Variants in PCDHGA2 observed in about 807,000 individuals in gnomAD.
PCDHGA2 encodes the protein protocadherin gamma subfamily A, 2, also known as protocadherin gamma-A2.
In PCDHGA2, 40 loss-of-function variants were observed where a neutral mutation model predicts 59.2. The ratio of observed to expected loss-of-function variants is 0.68; its 90% confidence interval spans 0.52 to 0.88. PCDHGA2 has a LOEUF of 0.88. Among genes scored for constraint, PCDHGA2 ranks in the 40% least tolerant of loss-of-function variants. The pLI, the probability that PCDHGA2 is intolerant of heterozygous loss-of-function variation, is 0.00. For synonymous variants in PCDHGA2, 560 were observed against 526.0 expected (o/e 1.06, Z -0.89); for missense variants, 1,226 against 1,204.0 (o/e 1.02, Z -0.27).
chr5:141,408,720 A>T, intron 1 of PCDHGA2: 1 of 1,611,332 alleles, frequency 6.2e-7, no homozygotes, highest in Non-Finnish European at 8.5e-7. Context: ...TATAAGATAA[A>T]CTCTAATCCT....
At chr5:141,500,293 C>T (rs1380080572) in intron 2 of PCDHGA2, among the ~76,000 whole-genome samples, 3 of 151,870 alleles carry the variant, frequency 2.0e-5, no homozygotes, top group Non-Finnish European at 4.4e-5. Flanking sequence ...ACTGCAAGCT[C>T]CGCCTCCCAG....
rs531285035 is a variant in PCDHGA2, at chr5:141,493,409, C to T, written c.2425-1398C>T. Among the ~76,000 whole-genome samples, 4 of 152,286 alleles carry T rather than the reference C, an allele frequency of 2.6e-5. No homozygotes were observed. The East Asian group carries it at 7.7e-4, about 29-fold the overall frequency. On this transcript the variant is annotated intron_variant, in intron 1 of 3. Coordinates refer to ENST00000394576, the MANE Select transcript of PCDHGA2 (RefSeq NM_018915.4). The surrounding 1 kb of genome is among the most constrained non-coding windows in gnomAD (Gnocchi z 4.3). Reference sequence around the variant, plus strand: ...GGACAGGAGAGGGGAGTTGCCTCTGCTGGGATTTTGCTTCTGCTGGGATGG... The same window carrying T: ...GGACAGGAGAGGGGAGTTGCCTCTGTTGGGATTTTGCTTCTGCTGGGATGG...
At chr5:141,350,920 C>T (rs1280314926) in intron 1 of PCDHGA2, 1 of 1,614,042 alleles carries the variant, frequency 6.2e-7, no homozygotes, top group South Asian at 1.1e-5. Context: ...CGCCTCTAAG[C>T]GGCACCACCC....
At chr5:141,405,582 C>T in intron 1 of PCDHGA2, 3 of 589,180 alleles carry the variant, frequency 5.1e-6, no homozygotes, top group African/African-American at 1.9e-5. Context: ...GTAGCTGGGA[C>T]TACAGGCCTC....
rs1248410660 is a variant in PCDHGA2, at chr5:141,394,098, A to G, written c.2424+52703A>G. On this transcript the variant is annotated intron_variant, in intron 1 of 3. Transcript: ENST00000394576. The stretch of plus-strand genomic sequence containing the variant: ...CACAGTGATGGCCTCAGATCTAGGA[A>G]CACCACCTCTGTCCACTGAAACTCA... 2.5e-6 allele frequency: 4 copies of G among 1,613,854 alleles called. No individual in the cohort carries two copies. In the East Asian group the frequency reaches 8.9e-5, roughly 36 times the overall value.
At chr5:141,400,524 G>A (rs958686867) in intron 1 of PCDHGA2, 1 of 1,613,802 alleles carries the variant, frequency 6.2e-7, no homozygotes, top group Non-Finnish European at 8.5e-7. Context: ...ATCCTGAGTT[G>A]GTGAGTTTCA....
In PCDHGA2 at chr5:141,413,412, C is replaced by T. The variant is rs747352426; in HGVS notation, c.2424+72017C>T. ...TCTCCAGAGGTAGGACGCAGCTTTT[C>T]TCTCTGAACCCGCGCAGCGGCAGCT... On this transcript the variant is annotated intron_variant, in intron 1 of 3. Transcript: ENST00000394576. 5.6e-6 allele frequency: 9 copies of T among 1,613,954 alleles called. No individual in the cohort carries two copies. The African/African-American group carries it at 1.2e-4, about 22-fold the overall frequency.
chr5:141,344,016 C>A, intron 1 of PCDHGA2: 1 of 1,513,186 alleles, frequency 6.6e-7, no homozygotes, highest in Non-Finnish European at 8.8e-7. Context: ...TCAGAGAAAG[C>A]GATTCACCGA....
chr5:141,423,338 T>A, intron 1 of PCDHGA2: 1 of 1,614,150 alleles, frequency 6.2e-7, no homozygotes, highest in Middle Eastern at 1.6e-4. Flanking sequence ...GTCTCCTGCA[T>A]CTTCCTGGTC....
chr5:141,482,622 A>G (rs1197606374), intron 1 of PCDHGA2, among the ~76,000 whole-genome samples: 1 of 151,936 alleles, frequency 6.6e-6, no homozygotes, highest in Non-Finnish European at 1.5e-5. Context: ...AGCCTGGAGA[A>G]AGGAAGAAAT....
At chr5:141,498,921 AG>A (rs1289139995) in intron 2 of PCDHGA2, among the ~76,000 whole-genome samples, 1 of 140,074 alleles carries the variant, frequency 7.1e-6, no homozygotes, top group Non-Finnish European at 1.6e-5. Flanking sequence ...TGACAGAGCG[AG>A]ACTCCATCAG....
intron 1 of PCDHGA2, chr5:141,375,808 G>A (rs992921332): frequency 6.2e-7 from 1 of 1,614,226 alleles, no homozygotes; most frequent in Non-Finnish European, 8.5e-7. Context: ...CCACTGGCGT[G>A]GAGCTGGCGC....
rs1246198657 is a variant in PCDHGA2 at position 141,505,401 on chromosome 5, A to T, written c.2492A>T (p.Asn831Ile). The change falls in exon 3 of 4, where the codon AAT (asparagine) becomes ATT (isoleucine). Residue 831 changes from asparagine (N) to isoleucine (I), a missense_variant. By Grantham distance (149) the Asn-to-Ile change is moderately radical (BLOSUM62 -3). Transcript: ENST00000394576. Reference protein sequence around the residue: ...AQRPGTSGSQNGDDTGTWPNN... With the variant: ...AQRPGTSGSQIGDDTGTWPNN... ...TCCTACTCTCTCCCCAGCTCCCAAA[A>T]TGGCGATGACACCGGCACCTGGCCC... is the stretch of plus-strand genomic sequence containing the variant. The T allele has an allele frequency of 6.2e-7, 1 of 1,614,058 alleles. No individual in the cohort carries two copies. Among genetic ancestry groups the T allele is most frequent in the African/African-American group, 1.3e-5 (1 of 74,922 alleles).
At chr5:141,417,932 T>A (rs1398348549) in intron 1 of PCDHGA2, 2 of 1,611,670 alleles carry the variant, frequency 1.2e-6, no homozygotes, top group East Asian at 4.5e-5. Flanking sequence ...GCTGCCTTTG[T>A]TCTACCCCAC....
intron 3 of PCDHGA2, among the ~76,000 whole-genome samples, chr5:141,509,532 A>C (rs2099877210): frequency 6.6e-6 from 1 of 152,124 alleles, no homozygotes; most frequent in African/African-American, 2.4e-5. Flanking sequence ...GCACAGGATG[A>C]AGCACCATCT....
At chr5:141,359,409 A>G (rs1243089607) in intron 1 of PCDHGA2, among the ~76,000 whole-genome samples, 4 of 152,002 alleles carry the variant, frequency 2.6e-5, no homozygotes, top group Non-Finnish European at 2.9e-5. Flanking sequence ...TTTTTAAAAA[A>G]TGTGTTTTTG....
At chr5:141,374,759 G>A (rs761534482) in intron 1 of PCDHGA2, 1 of 1,613,112 alleles carries the variant, frequency 6.2e-7, no homozygotes, top group Non-Finnish European at 8.5e-7. Flanking sequence ...CTCAAGCGTC[G>A]CCCAAATTCT....
intron 1 of PCDHGA2, chr5:141,430,857 A>T: frequency 6.3e-7 from 1 of 1,591,434 alleles, no homozygotes; most frequent in Non-Finnish European, 8.5e-7. Flanking sequence ...CAGATACGCT[A>T]TTCAGTTCCG....
rs141905537 is a variant in PCDHGA2, at chr5:141,340,914, A to T, written c.1943A>T (p.Asp648Val). Residue 648 changes from aspartate (D) to valine (V), a missense_variant, in exon 1 of 4, where the codon GAC (aspartate) becomes GTC (valine). Coordinates refer to ENST00000394576, the MANE Select transcript of PCDHGA2 (RefSeq NM_018915.4). ...CAGAGCCTCGTGGTGGCCATCCAGG[A>T]CCACGGCCAGCCCCCTCTCTCCGCC... is the stretch of plus-strand genomic sequence containing the variant. ...LKQSLVVAIQDHGQPPLSATV... is the reference protein window; with the variant it reads ...LKQSLVVAIQVHGQPPLSATV... The T allele has an allele frequency of 1.9e-6, 3 of 1,613,586 alleles. No individual in the cohort carries two copies. Among genetic ancestry groups the T allele is most frequent in the Admixed American group, 1.7e-5 (1 of 60,000 alleles).
Sources: allele counts gnomAD v4.1 joint callset (sites outside exome capture counted in the v4.1 genomes callset), GRCh38; gene constraint gnomAD v4.1.1; non-coding constraint Gnocchi (gnomAD v3.1); transcripts MANE v1.5; gene names NCBI Gene and HGNC (gene_info 2026-07-23, HGNC 2026-07-21).